The following SLC18B1 variants were observed in gnomAD, a reference collection of about 807,000 sequenced individuals.
SLC18B1 encodes the protein MFS-type transporter SLC18B1.
A neutral mutation model predicts 53.9 loss-of-function variants in SLC18B1; 62 were observed. The observed-to-expected ratio is 1.15, with a 90% CI of 0.94 to 1.42. The LOEUF (loss-of-function observed/expected upper bound fraction) is 1.42, where lower values mean the gene tolerates loss of function less well. Among genes scored for constraint, SLC18B1 ranks in the 40% most tolerant of loss-of-function variants. The pLI is 0.00. For synonymous variants in SLC18B1, 217 were observed against 200.9 expected, an observed-to-expected ratio of 1.08 and a Z score of -0.68; for missense variants, 598 against 547.3, an observed-to-expected ratio of 1.09 and a Z score of -0.93.
At chr6:132,776,644 T>C (rs1458741051) in intron 7 of SLC18B1, among the ~76,000 whole-genome samples, 1 of 152,026 alleles carries the variant, frequency 6.6e-6, no homozygotes, top group Non-Finnish European at 1.5e-5. Flanking sequence ...GATTTTTTGC[T>C]TTGTAGCCTT....
At chr6:132,783,021 C>T (rs973755727) in intron 6 of SLC18B1, among the ~76,000 whole-genome samples, 24 of 152,010 alleles carry the variant, frequency 1.6e-4, no homozygotes, top group African/African-American at 4.6e-4. Context: ...GTGATCTGCC[C>T]GCCTCGGCCT....
intron 5 of SLC18B1, among the ~76,000 whole-genome samples, chr6:132,786,631 T>G (rs1482600006): frequency 6.6e-6 from 1 of 151,840 alleles, no homozygotes; most frequent in Non-Finnish European, 1.5e-5. Context: ...GTAAAAATTT[T>G]CAAACTACAT....
intron 2 of SLC18B1, among the ~76,000 whole-genome samples, chr6:132,795,304 A>G (rs1781647800): frequency 6.6e-6 from 1 of 151,748 alleles, no homozygotes; most frequent in African/African-American, 2.4e-5. Context: ...TGATTTTTTT[A>G]TACTACCCTA....
At chr6:132,793,375 C>G (rs1487331741) in intron 2 of SLC18B1, among the ~76,000 whole-genome samples, 1 of 152,234 alleles carries the variant, frequency 6.6e-6, no homozygotes, top group East Asian at 1.9e-4. Context: ...TTCATATTTA[C>G]AGCTTTTAAA....
intron 5 of SLC18B1, 57 bp downstream of exon 5, chr6:132,787,377 G>A (rs1276064747): frequency 1.4e-6 from 2 of 1,449,618 alleles, no homozygotes; most frequent in Non-Finnish European, 1.8e-6. Context: ...AACTTGGAAG[G>A]GCAAATATTT....
At position 132,792,293 on chromosome 6, in the gene SLC18B1, AAGGAAGGAAGG is replaced by A. The variant is rs1562271493; in HGVS notation, c.184-2032_184-2022del. 1.7e-3 allele frequency among the ~76,000 whole-genome samples: 143 copies of A among 82,278 alleles called. 2 individuals are homozygous for A. Among genetic ancestry groups the A allele is most frequent in the Non-Finnish European group, 2.2e-3 (91 of 40,784 alleles). 54.0% of individuals were successfully genotyped at this position (82,278 alleles called of 152,430 possible). ...AAAGAAAGAAAGAAAGGAAGAAAGG[AAGGAAGGAAGG>A]AAGGAAGGAAGGAAGGAAGGAAGGA... On this transcript the variant is annotated intron_variant, in intron 2 of 13. Coordinates refer to ENST00000275227, the MANE Select transcript of SLC18B1 (RefSeq NM_052831.3).
chr6:132,779,679 A>G (rs1307840414), intron 6 of SLC18B1, among the ~76,000 whole-genome samples: 3 of 152,232 alleles, frequency 2.0e-5, no homozygotes, highest in African/African-American at 7.2e-5. Flanking sequence ...TACAGGTTGT[A>G]ACAATTATAC....
intron 3 of SLC18B1, 114 bp from the exon 4 acceptor site, chr6:132,789,951 ATATAT>A (rs1451681579): frequency 2.9e-6 from 2 of 698,984 alleles, no homozygotes; most frequent in Non-Finnish European, 4.9e-6. Context: ...TGTACAGTTA[ATATAT>A]TATAATAATT....
intron 2 of SLC18B1, among the ~76,000 whole-genome samples, chr6:132,791,313 G>A (rs1781519656): frequency 6.6e-6 from 1 of 152,146 alleles, no homozygotes; most frequent in South Asian, 2.1e-4. Flanking sequence ...TCATAATACA[G>A]AAATGCACAC....
chr6:132,797,216 G>A, intron 1 of SLC18B1, 95 bp from the exon 2 acceptor site: 1 of 1,466,164 alleles, frequency 6.8e-7, no homozygotes, highest in African/African-American at 1.4e-5. Context: ...GCACTCTGAA[G>A]ATATCATTTG....
intron 7 of SLC18B1, 40 bp downstream of exon 7, chr6:132,779,228 C>G: frequency 6.2e-7 from 1 of 1,601,972 alleles, no homozygotes; most frequent in African/African-American, 1.3e-5. Flanking sequence ...TTACATCCAC[C>G]TGCTACAATG....
chr6:132,776,924 A>G (rs996610830), intron 7 of SLC18B1, among the ~76,000 whole-genome samples: 1 of 152,162 alleles, frequency 6.6e-6, no homozygotes, highest in African/African-American at 2.4e-5. Context: ...TGAGAGAGTC[A>G]AGGTCTGATG....
At chr6:132,792,356 GGAAAGA>G (rs1291166760) in intron 2 of SLC18B1, among the ~76,000 whole-genome samples, 1 of 83,756 alleles carries the variant, frequency 1.2e-5, no homozygotes, top group East Asian at 2.5e-4. Context: ...AGGAAGGAAG[GGAAAGA>G]AAGAAAAGAA....
intron 6 of SLC18B1, among the ~76,000 whole-genome samples, chr6:132,781,617 T>C (rs1015574428): frequency 4.0e-5 from 6 of 151,000 alleles, no homozygotes; most frequent in Admixed American, 6.6e-5. Context: ...ATCAGCCAGG[T>C]GTGGTGGCGC....
intron 5 of SLC18B1, among the ~76,000 whole-genome samples, chr6:132,785,872 G>A (rs1781354944): frequency 8.0e-6 from 1 of 124,764 alleles, no homozygotes; most frequent in African/African-American, 3.3e-5. Flanking sequence ...ACCAGCCTGG[G>A]CAACTCAGCA....
At chr6:132,777,992 A>G (rs1439724895) in intron 7 of SLC18B1, among the ~76,000 whole-genome samples, 1 of 152,172 alleles carries the variant, frequency 6.6e-6, no homozygotes, top group Admixed American at 6.5e-5. Flanking sequence ...CTGAGTCCGA[A>G]AAAGGAGTCA....
Position 132,772,121 on chromosome 6 carries a change from T to C in SLC18B1, c.1160+11A>G, listed in dbSNP as rs1582852395. On this transcript the variant is annotated intron_variant, in intron 11 of 13. Coordinates refer to ENST00000275227, the MANE Select transcript of SLC18B1 (RefSeq NM_052831.3). ...AAAAAAAAAAAAGAAAGAAATTAAATGACTACTCACCCAATTGACCACATT... is the reference window on the plus strand; with the variant it reads ...AAAAAAAAAAAAGAAAGAAATTAAACGACTACTCACCCAATTGACCACATT... The C allele has an allele frequency of 6.6e-7, 1 of 1,524,650 alleles. No individual in the cohort carries two copies. Among genetic ancestry groups the C allele is most frequent in the Admixed American group, 2.2e-5 (1 of 45,788 alleles). 94.4% of individuals were successfully genotyped at this position (1,524,650 alleles called of 1,614,324 possible).
chr6:132,792,284 G>GAAAGAAAGAAAGAAAGAAAGA (rs1461079612), intron 2 of SLC18B1, among the ~76,000 whole-genome samples: 448 of 37,774 alleles, frequency 0.012, 99 homozygotes, highest in South Asian at 0.019. Flanking sequence ...AGAAAGAAAG[G>GAAAGAAAGAAAGAAAGAAAGA]AAGAAAGGAA....
chr6:132,793,204 G>T (rs1781593393), intron 2 of SLC18B1, among the ~76,000 whole-genome samples: 1 of 152,140 alleles, frequency 6.6e-6, no homozygotes, highest in African/African-American at 2.4e-5. Flanking sequence ...ATAGAAGTAG[G>T]AATCCCACAC....
Sources: allele counts gnomAD v4.1 joint callset (sites outside exome capture counted in the v4.1 genomes callset), GRCh38; gene constraint gnomAD v4.1.1; transcripts MANE v1.5; gene names NCBI Gene and HGNC (gene_info 2026-07-23, HGNC 2026-07-21).